VPS13C: variants seen among roughly 807,000 people sequenced by gnomAD.
VPS13C encodes intermembrane lipid transfer protein VPS13C.
A neutral mutation model predicts 456.8 loss-of-function variants in VPS13C; 358 were observed. The observed-to-expected ratio is 0.78, with a 90% CI of 0.72 to 0.86. The LOEUF is 0.86. Ranked by LOEUF, VPS13C falls within the 40% of genes least tolerant of loss-of-function variation. VPS13C has a pLI of 0.00. For synonymous variants in VPS13C, 1,578 were observed against 1,486.7 expected (o/e 1.06, Z -1.41); for missense variants, 4,818 against 4,385.4 (o/e 1.10, Z -2.79).
At chr15:61,902,054 C>T (rs542001303) in intron 66 of VPS13C, among the ~76,000 whole-genome samples, 172 of 141,358 alleles carry the variant, frequency 1.2e-3, no homozygotes, top group African/African-American at 4.3e-3. Flanking sequence ...TAGGTGGGAA[C>T]TGAACAATGC....
chr15:61,945,434 A>G (rs948668614), intron 45 of VPS13C, among the ~76,000 whole-genome samples: 7 of 152,266 alleles, frequency 4.6e-5, no homozygotes, highest in African/African-American at 1.7e-4. Context: ...TCATTAAACA[A>G]GTTACAGTGG....
At chr15:62,015,608 G>A (rs1234943826) in intron 9 of VPS13C, among the ~76,000 whole-genome samples, 3 of 142,054 alleles carry the variant, frequency 2.1e-5, no homozygotes, top group African/African-American at 8.3e-5. Context: ...AAAAAATGAT[G>A]AGTTCATGTC....
At position 61,861,875 on chromosome 15, in the gene VPS13C, G is replaced by A. The variant is rs192951291; in HGVS notation, c.10952+1565C>T. ...GGCACTTTGGGAGGCCAAGGTGGAC[G>A]GATCACTTGAGGCCAGGAGTTCAAG... On this transcript the variant is annotated intron_variant, in intron 82 of 84. Transcript: ENST00000644861. Among the ~76,000 whole-genome samples, 39 of 152,280 alleles carry A rather than the reference G, an allele frequency of 2.6e-4. 1 individual carries two copies. The East Asian group carries it at 6.2e-3, about 24-fold the overall frequency.
chr15:61,886,164 G>A (rs1337989499), intron 67 of VPS13C, among the ~76,000 whole-genome samples: 1 of 152,136 alleles, frequency 6.6e-6, no homozygotes, highest in Non-Finnish European at 1.5e-5. Flanking sequence ...TAGCTAACAA[G>A]TAAGTCACTC....
intron 22 of VPS13C, among the ~76,000 whole-genome samples, chr15:61,981,016 G>A (rs1230485494): frequency 6.6e-6 from 1 of 152,052 alleles, no homozygotes; most frequent in African/African-American, 2.4e-5. Flanking sequence ...ATTTCCTATT[G>A]TCAAATTTAT....
intron 43 of VPS13C, among the ~76,000 whole-genome samples, 158 bp downstream of exon 43, chr15:61,947,035 T>C (rs2044629358): frequency 6.6e-6 from 1 of 152,102 alleles, no homozygotes; most frequent in South Asian, 2.1e-4. Context: ...CACAACAAAT[T>C]TACTTGTAAC....
intron 1 of VPS13C, among the ~76,000 whole-genome samples, chr15:62,047,401 G>C (rs2048448732): frequency 6.6e-6 from 1 of 151,168 alleles, no homozygotes; most frequent in Non-Finnish European, 1.5e-5. Flanking sequence ...TTGTGCCACT[G>C]CACTCCAGCC....
Position 61,920,201 on chromosome 15 carries a change from G to C in VPS13C, c.7343C>G (p.Pro2448Arg). ...PNCNLRVMGF[P>R]EKSDIFDVDA... The stretch of plus-strand genomic sequence containing the variant: ...AACATCAAAAATATCACTTTTCTCA[G>C]GGAAGCCCATTACTCTGAGATTACA... Residue 2448 changes from proline to arginine, a missense_variant, in exon 57 of 85, where the codon CCT becomes CGT. Coordinates refer to ENST00000644861, the MANE Select transcript of VPS13C (RefSeq NM_020821.3). 1 of 1,613,490 alleles carries C rather than the reference G, an allele frequency of 6.2e-7. No individual in the cohort carries two copies.
At chr15:62,042,120 T>C (rs1466018394) in intron 2 of VPS13C, among the ~76,000 whole-genome samples, 1 of 152,182 alleles carries the variant, frequency 6.6e-6, no homozygotes, top group Non-Finnish European at 1.5e-5. Context: ...TTAAAAATCT[T>C]TAAAAGAAAA....
intron 16 of VPS13C, among the ~76,000 whole-genome samples, chr15:61,993,779 ATT>A (rs2046296026): frequency 6.6e-6 from 1 of 152,172 alleles, no homozygotes; most frequent in Non-Finnish European, 1.5e-5. Flanking sequence ...AAGAATTAAT[ATT>A]TAAAAATATG....
intron 16 of VPS13C, among the ~76,000 whole-genome samples, chr15:61,998,956 G>C (rs1357647671): frequency 6.6e-6 from 1 of 151,920 alleles, no homozygotes; most frequent in Non-Finnish European, 1.5e-5. Flanking sequence ...TCTTTTCTCT[G>C]GCTTACTTTA....
chr15:61,958,424 C>T (rs1337848436), intron 37 of VPS13C, among the ~76,000 whole-genome samples, 184 bp downstream of exon 37: 1 of 152,124 alleles, frequency 6.6e-6, no homozygotes, highest in East Asian at 1.9e-4. Flanking sequence ...TAACTGACAA[C>T]TTAGCTTAAG....
Position 61,966,136 on chromosome 15 carries a change from T to C in VPS13C, c.2998A>G (p.Lys1000Glu), listed in dbSNP as rs1046036859. The C allele has an allele frequency of 1.9e-6, 3 of 1,603,494 alleles. No homozygotes were observed. The Admixed American group carries it at 5.1e-5, about 27-fold the overall frequency. Residue 1000 changes from lysine to glutamate, a missense_variant, in exon 30 of 85, where the codon AAG (lysine) becomes GAG (glutamate). Lys to Glu is a moderately conservative substitution (Grantham distance 56, BLOSUM62 1). Around this residue, in one of 3 missense-constraint regions of VPS13C, gnomAD observed 4,552 missense variants for 4,130.6 expected, o/e 1.10. Coordinates refer to ENST00000644861, the MANE Select transcript of VPS13C (RefSeq NM_020821.3). Reference protein sequence around the residue: ...LLKVEYIKADKNGPSFQTAFG... With the variant: ...LLKVEYIKADENGPSFQTAFG... The stretch of plus-strand genomic sequence containing the variant: ...GCAGTTTGAAAACTAGGTCCATTCT[T>C]ATCAGCCTGAAAAAAGAAGTAAAAG...
At position 62,048,664 on chromosome 15, in the gene VPS13C, C is replaced by T. The variant is rs1370679985; in HGVS notation, c.101-4409G>A. On this transcript the variant is annotated intron_variant, in intron 1 of 84. Transcript: ENST00000644861. ...AAATGGTATTTCTAGTTCTAGATCCCTGAGGAATCGCCACACTGTCTTCCA... is the reference window on the plus strand; with the variant it reads ...AAATGGTATTTCTAGTTCTAGATCCTTGAGGAATCGCCACACTGTCTTCCA... Among the ~76,000 whole-genome samples, 897 of 151,914 alleles carry T rather than the reference C, an allele frequency of 5.9e-3. 15 individuals carry two copies. Among genetic ancestry groups the T allele is most frequent in the African/African-American group, 0.021 (861 of 41,368 alleles).
chr15:61,897,770 C>T (rs1056477879), intron 66 of VPS13C, among the ~76,000 whole-genome samples: 8 of 151,912 alleles, frequency 5.3e-5, no homozygotes, highest in East Asian at 1.9e-4. Flanking sequence ...AGATACTCCT[C>T]GAGAAGAGCA....
intron 53 of VPS13C, among the ~76,000 whole-genome samples, chr15:61,923,514 T>A (rs938898472): frequency 6.6e-6 from 1 of 152,054 alleles, no homozygotes; most frequent in Non-Finnish European, 1.5e-5. Context: ...TTCCCATAAT[T>A]TTTTTATCCC....
intron 3 of VPS13C, among the ~76,000 whole-genome samples, chr15:62,038,466 C>T (rs1464720516): frequency 2.6e-5 from 4 of 151,882 alleles, no homozygotes; most frequent in African/African-American, 7.3e-5. Context: ...ACACACCCGT[C>T]GTTTCAGCAA....
Position 61,869,488 on chromosome 15 carries a change from G to A in VPS13C, c.10748+12C>T, listed in dbSNP as rs369582681. 4.0e-5 allele frequency: 64 copies of A among 1,613,648 alleles called. No homozygotes were observed. Among genetic ancestry groups the A allele is most frequent in the Non-Finnish European group, 5.4e-5 (64 of 1,179,824 alleles). The stretch of plus-strand genomic sequence containing the variant: ...CAGACACATACCTTGCACATAGTAT[G>A]TACTCAATTACCTCTGAATGCCTTG... On this transcript the variant is annotated intron_variant, in intron 80 of 84. Coordinates refer to ENST00000644861, the MANE Select transcript of VPS13C (RefSeq NM_020821.3).
At chr15:62,027,379 T>TA (rs1447099219) in intron 6 of VPS13C, among the ~76,000 whole-genome samples, 3 of 152,072 alleles carry the variant, frequency 2.0e-5, no homozygotes, top group Admixed American at 1.3e-4. Context: ...GAGCCATGAG[T>TA]ATCTCCATGC....
Sources: allele counts gnomAD v4.1 joint callset (sites outside exome capture counted in the v4.1 genomes callset), GRCh38; gene constraint gnomAD v4.1.1; regional missense constraint gnomAD v4.1.1; transcripts MANE v1.5; gene names NCBI Gene and HGNC (gene_info 2026-07-23, HGNC 2026-07-21).